Variants in FHIT observed in about 807,000 individuals in gnomAD.
The protein encoded by FHIT is fragile histidine triad diadenosine triphosphatase, also known as bis(5'-adenosyl)-triphosphatase.
A neutral mutation model predicts 17.9 loss-of-function variants in FHIT; 19 were observed. The ratio of observed to expected loss-of-function variants is 1.06; its 90% CI spans 0.74 to 1.56. The LOEUF (loss-of-function observed/expected upper bound fraction) is 1.56, where lower values mean the gene tolerates loss of function less well. FHIT is among the 40% of genes most tolerant of loss of function. FHIT has a pLI of 0.00. For missense variants in FHIT, 248 were observed against 189.2 expected, an observed-to-expected ratio of 1.31 and a Z score of -1.82; for synonymous variants, 81 against 69.7, an observed-to-expected ratio of 1.16 and a Z score of -0.81.
chr3:60,373,785 A>T (rs1700433954), intron 5 of FHIT, among the ~76,000 whole-genome samples: 1 of 152,198 alleles, frequency 6.6e-6, no homozygotes, highest in Admixed American at 6.5e-5. Context: ...CCATTCTTAA[A>T]TCGCTCCTAT....
intron 8 of FHIT, among the ~76,000 whole-genome samples, chr3:59,880,344 C>T (rs866343707): frequency 4.6e-5 from 7 of 152,314 alleles, no homozygotes; most frequent in Middle Eastern, 3.4e-3. Flanking sequence ...CCCCAAGGAA[C>T]CTGCCTTGCC....
rs187433601 is a variant in FHIT at position 60,557,225 on chromosome 3, G to A, written c.-17-20246C>T. ...GTCCCTTGCCCAAGTACACACGGAA[G>A]CAAGTGATGGAGCCGAGATTTGTAC... On this transcript the variant is annotated intron_variant, in intron 4 of 9. Transcript: ENST00000492590. Among the ~76,000 whole-genome samples the A allele has an allele frequency of 2.4e-3, 371 of 152,226 alleles. 1 individual carries two copies. Among genetic ancestry groups the A allele is most frequent in the Admixed American group, 5.2e-3 (79 of 15,296 alleles).
At chr3:60,173,140 T>C (rs183141325) in intron 5 of FHIT, among the ~76,000 whole-genome samples, 33 of 152,284 alleles carry the variant, frequency 2.2e-4, no homozygotes, top group Middle Eastern at 3.4e-3. Context: ...ATTTCCACAC[T>C]AAAATCAGCT....
intron 5 of FHIT, among the ~76,000 whole-genome samples, chr3:60,253,843 A>G (rs184279175): frequency 1.3e-5 from 2 of 152,302 alleles, no homozygotes; most frequent in Admixed American, 6.5e-5. Context: ...ATGCACAGGA[A>G]ATTTCTGAAT....
At position 60,209,442 on chromosome 3, in the gene FHIT, A is replaced by G. The variant is rs116157085; in HGVS notation, c.104-195290T>C. ...ACAAATGTGTCATTCACTATGTGAT[A>G]CTCCTCTCAATCTCTTCCTCTCACC... is the stretch of plus-strand genomic sequence containing the variant. On this transcript the variant is annotated intron_variant, in intron 5 of 9. Coordinates refer to ENST00000492590, the MANE Select transcript of FHIT (RefSeq NM_002012.4). 7.7e-3 allele frequency among the ~76,000 whole-genome samples: 1,170 copies of G among 152,080 alleles called. 7 individuals are homozygous for G. Among genetic ancestry groups the G allele is most frequent in the Middle Eastern group, 0.034 (10 of 294 alleles).
chr3:60,301,117 G>A (rs941639660), intron 5 of FHIT, among the ~76,000 whole-genome samples: 1 of 151,938 alleles, frequency 6.6e-6, no homozygotes, highest in Non-Finnish European at 1.5e-5. Context: ...AACTGAAACG[G>A]TTTTCTCTTA....
At chr3:60,246,234 TA>T (rs1705389030) in intron 5 of FHIT, among the ~76,000 whole-genome samples, 1 of 152,072 alleles carries the variant, frequency 6.6e-6, no homozygotes, top group African/African-American at 2.4e-5. Context: ...ACAGTTATAC[TA>T]AAATAAAAAG....
At chr3:60,214,371 G>A (rs141121653) in intron 5 of FHIT, among the ~76,000 whole-genome samples, 1,898 of 152,074 alleles carry the variant, frequency 0.012, 25 homozygotes, top group South Asian at 0.037. Flanking sequence ...ACAAAGGAAA[G>A]CTTTTTAAAA....
intron 5 of FHIT, among the ~76,000 whole-genome samples, chr3:60,150,649 C>G (rs113050733): frequency 0.13 from 19,332 of 152,166 alleles, 1,970 homozygotes; most frequent in African/African-American, 0.28. Context: ...TGGGTGCAGT[C>G]GCTCACACCT....
At chr3:61,105,028 TG>T (rs2035949308) in intron 2 of FHIT, among the ~76,000 whole-genome samples, 1 of 152,202 alleles carries the variant, frequency 6.6e-6, no homozygotes, top group Non-Finnish European at 1.5e-5. Flanking sequence ...TGTAGCTCAA[TG>T]ATTTTCATTC....
chr3:60,500,771 T>TAAAA lies in FHIT; in HGVS notation c.103+36085_103+36088dup, dbSNP rs71092606. Among the ~76,000 whole-genome samples, 94 of 64,858 alleles carry TAAAA rather than the reference T, an allele frequency of 1.4e-3. 3 individuals are homozygous for TAAAA. Among genetic ancestry groups the TAAAA allele is most frequent in the African/African-American group, 4.9e-3 (80 of 16,262 alleles). 42.5% of individuals were successfully genotyped at this position (64,858 alleles called of 152,430 possible). ...CTGGGTGACAGAGTGAGCATCCATC[T>TAAAA]AAAAAAAAAAAAAAAAAAAAAAAAA... is the stretch of plus-strand genomic sequence containing the variant. On this transcript the variant is annotated intron_variant, in intron 5 of 9. Coordinates refer to ENST00000492590, the MANE Select transcript of FHIT (RefSeq NM_002012.4).
chr3:61,120,278 G>A (rs2036418709), intron 2 of FHIT, among the ~76,000 whole-genome samples: 2 of 152,190 alleles, frequency 1.3e-5, no homozygotes, highest in African/African-American at 4.8e-5. Flanking sequence ...CTCTTAGCAT[G>A]TTGTCACTTA....
intron 8 of FHIT, among the ~76,000 whole-genome samples, chr3:59,794,564 A>G (rs570959094): frequency 1.3e-5 from 2 of 152,332 alleles, no homozygotes; most frequent in South Asian, 4.1e-4. Flanking sequence ...CTTTATATGT[A>G]TCGCCTCTTT....
intron 5 of FHIT, among the ~76,000 whole-genome samples, chr3:60,245,879 T>C (rs2107581668): frequency 6.6e-6 from 1 of 152,212 alleles, no homozygotes; most frequent in Non-Finnish European, 1.5e-5. Flanking sequence ...TATCTGTATG[T>C]ACATTTTATG....
At chr3:60,829,693 CAGAT>C (rs1702251533) in intron 3 of FHIT, among the ~76,000 whole-genome samples, 1 of 152,120 alleles carries the variant, frequency 6.6e-6, no homozygotes, top group Non-Finnish European at 1.5e-5. Flanking sequence ...TTCTGATTGT[CAGAT>C]GGATGAAGAA....
chr3:60,683,574 A>T (rs1369945841), intron 4 of FHIT, among the ~76,000 whole-genome samples: 2 of 152,156 alleles, frequency 1.3e-5, no homozygotes, highest in East Asian at 1.9e-4. Context: ...TATAGACTGT[A>T]AACACAACTT....
At chr3:60,051,916 G>C (rs1047157849) in intron 5 of FHIT, among the ~76,000 whole-genome samples, 2 of 152,156 alleles carry the variant, frequency 1.3e-5, no homozygotes, top group African/African-American at 4.8e-5. Context: ...AACAAAGATT[G>C]GTTGGGTATC....
At chr3:60,128,897 A>T (rs1350986379) in intron 5 of FHIT, among the ~76,000 whole-genome samples, 1 of 152,146 alleles carries the variant, frequency 6.6e-6, no homozygotes, top group African/African-American at 2.4e-5. Context: ...CACATAATAG[A>T]CATTCATTTT....
chr3:60,390,424 AAAAAC>A (rs1370997114), intron 5 of FHIT, among the ~76,000 whole-genome samples: 498 of 4,758 alleles, frequency 0.1, 51 homozygotes, highest in Non-Finnish European at 0.17. Flanking sequence ...AAAAAAAAAA[AAAAAC>A]CCGTACCCTC....
Sources: gnomAD v4.1 joint callset for allele counts (sites outside exome capture counted in the v4.1 genomes callset) on GRCh38, gnomAD v4.1.1 for gene constraint, MANE v1.5 for transcripts, NCBI Gene and HGNC (gene_info 2026-07-23, HGNC 2026-07-21) for gene names.